Variants in PPP2R5C observed in about 807,000 individuals in gnomAD.
PPP2R5C encodes the protein protein phosphatase 2 regulatory subunit B'gamma.
PPP2R5C carries 7 observed loss-of-function variants against 68.9 expected under a neutral mutation model. That is an observed-to-expected ratio of 0.10 (90% confidence interval 0.06 to 0.19). The LOEUF is 0.19. Ranked by LOEUF, PPP2R5C falls within the 10% of genes least tolerant of loss-of-function variation. The pLI is 1.00. For synonymous variants in PPP2R5C, 210 were observed against 222.2 expected, an observed-to-expected ratio of 0.95 and a Z score of 0.49; for missense variants, 348 against 641.3, an observed-to-expected ratio of 0.54 and a Z score of 4.94.
At chr14:101,792,954 T>C (rs1270317772) in intron 3 of PPP2R5C, among the ~76,000 whole-genome samples, 1 of 151,946 alleles carries the variant, frequency 6.6e-6, no homozygotes, top group Admixed American at 6.6e-5. Context: ...CTTGGCTCCC[T>C]GCAGCCTCCG....
intron 1 of PPP2R5C, chr14:101,844,248 G>A (rs1362621590): frequency 6.6e-6 from 1 of 151,634 alleles, no homozygotes; most frequent in Non-Finnish European, 1.5e-5. Context: ...AGAGTGGAAC[G>A]GTGGGTATTT....
Position 101,906,032 on chromosome 14 carries a change from C to A in PPP2R5C, c.1024-370C>A, listed in dbSNP as rs568376101. Among the ~76,000 whole-genome samples, 1 of 152,220 alleles carries A rather than the reference C, an allele frequency of 6.6e-6. No homozygotes were observed. The highest frequency in any genetic ancestry group is 1.5e-5 in the Non-Finnish European group (1 of 68,042). ...GATTTCTGCCTTGCTTTGTTCAGTGCTGAATGCTCAGCAGAACACAGCACG... is the reference window on the plus strand; with the variant it reads ...GATTTCTGCCTTGCTTTGTTCAGTGATGAATGCTCAGCAGAACACAGCACG... On this transcript the variant is annotated intron_variant, in intron 9 of 13. Coordinates refer to ENST00000334743, the Ensembl canonical transcript of PPP2R5C. The surrounding 1 kb of genome is among the most constrained non-coding windows in gnomAD (Gnocchi z 4.0).
rs1566972747 is a variant in PPP2R5C, at chr14:101,919,980, A to AAAAAAAACAAAAC, written c.1443+2040_1443+2041insCAAAACAAAAAAA. Among the ~76,000 whole-genome samples, 333 of 114,166 alleles carry AAAAAAAACAAAAC rather than the reference A, an allele frequency of 2.9e-3. 7 individuals are homozygous for AAAAAAAACAAAAC. Among genetic ancestry groups the AAAAAAAACAAAAC allele is most frequent in the African/African-American group, 0.014 (309 of 22,310 alleles). The allele number at this position is 114,166 out of a possible 152,430, so 74.9% of individuals were successfully genotyped here. A position where few individuals can be genotyped will look rare whatever the true frequency, so the allele number is the denominator to read the frequency against. ...GCAAAACTCCGTCTCAAAAAAAAAA[A>AAAAAAAACAAAAC]AAAAAAAAAAAACCAATTCTTACAC... On this transcript the variant is annotated intron_variant, in intron 13 of 13. Coordinates refer to ENST00000334743, the Ensembl canonical transcript of PPP2R5C.
intron 2 of PPP2R5C, among the ~76,000 whole-genome samples, chr14:101,773,784 T>A (rs765792424): frequency 6.6e-6 from 1 of 152,172 alleles, no homozygotes; most frequent in Non-Finnish European, 1.5e-5. Flanking sequence ...AGCCTTGAAC[T>A]ACTGGGCTCA....
At chr14:101,765,484 CCT>C (rs1032526942) in intron 2 of PPP2R5C, 2 of 541,204 alleles carry the variant, frequency 3.7e-6, no homozygotes, top group African/African-American at 3.8e-5. Flanking sequence ...TTTTCCCTCT[CCT>C]CTCTCTCAGT....
rs757314697 is a variant in PPP2R5C, at chr14:101,797,889, C to G, written c.259+11706C>G. On this transcript the variant is annotated intron_variant, in intron 3 of 14. Coordinates refer to the PPP2R5C transcript ENST00000328724. The surrounding 1 kb of genome is among the most constrained non-coding windows in gnomAD (Gnocchi z 4.2). ...TCACTTCATCTACTCCACTCACCTA[C>G]GCTGAGCTTCCCTGTGGACAAGCTC... Among the ~76,000 whole-genome samples the G allele has an allele frequency of 6.6e-6, 1 of 152,094 alleles. No homozygotes were observed. Among genetic ancestry groups the G allele is most frequent in the African/African-American group, 2.4e-5 (1 of 41,416 alleles).
Position 101,914,900 on chromosome 14 carries a change from A to G in PPP2R5C, c.1326+2427A>G, listed in dbSNP as rs1164072691. On this transcript the variant is annotated intron_variant, in intron 12 of 13. Transcript: ENST00000334743. ...TGTGGGAATCATATGAAATGAAGAC[A>G]GGCACTTCTGTGAGACTCAGAGTAG... 2.6e-5 allele frequency among the ~76,000 whole-genome samples: 4 copies of G among 152,222 alleles called. No individual in the cohort carries two copies. The East Asian group carries it at 7.7e-4, about 29-fold the overall frequency.
In PPP2R5C at chr14:101,797,237, G is replaced by A. The variant is rs2038655020; in HGVS notation, c.259+11054G>A. 1 of 455,928 alleles carries A rather than the reference G, an allele frequency of 2.2e-6. No individual in the cohort carries two copies. Among genetic ancestry groups the A allele is most frequent in the African/African-American group, 2.0e-5 (1 of 50,050 alleles). 28.2% of individuals were successfully genotyped at this position (455,928 alleles called of 1,614,324 possible). On this transcript the variant is annotated intron_variant, in intron 3 of 14. Coordinates refer to the PPP2R5C transcript ENST00000328724. This position sits in a 1 kb window ranked among gnomAD's most constrained non-coding sequence, Gnocchi z 4.2. ...TCCCCCCACATTGTAGCACGTGCCA[G>A]ACCCTCGCTCCCGTCGAAGGCTGAT... is the stretch of plus-strand genomic sequence containing the variant.
At chr14:101,856,798 A>G in exon 2 of PPP2R5C, 1 of 1,614,172 alleles carries the variant, frequency 6.2e-7, no homozygotes, top group Non-Finnish European at 8.5e-7. Flanking sequence ...AGGAAGTAAA[A>G]CGAGCTGCTT....
intron 1 of PPP2R5C, among the ~76,000 whole-genome samples, chr14:101,827,183 C>G (rs1223383439): frequency 6.6e-6 from 1 of 151,874 alleles, no homozygotes; most frequent in Non-Finnish European, 1.5e-5. Context: ...GCCATCTTGG[C>G]CAGGCTGGTC....
chr14:101,893,987 C>T (rs1234593392), intron 7 of PPP2R5C, among the ~76,000 whole-genome samples: 1 of 152,246 alleles, frequency 6.6e-6, no homozygotes, highest in East Asian at 1.9e-4. Context: ...AGGCTCCTCT[C>T]TGCCAGGCCC....
At chr14:101,812,446 G>T (rs1474411357) in intron 1 of PPP2R5C, among the ~76,000 whole-genome samples, 1 of 152,190 alleles carries the variant, frequency 6.6e-6, no homozygotes, top group African/African-American at 2.4e-5. Context: ...TAGGAAGGAG[G>T]GGTCTTTCCC....
chr14:101,813,967 C>G (rs2039514225), intron 1 of PPP2R5C, among the ~76,000 whole-genome samples: 1 of 152,214 alleles, frequency 6.6e-6, no homozygotes, highest in Admixed American at 6.5e-5. Context: ...AAGAAGCAAG[C>G]ACAGAACTCA....
At chr14:101,829,153 T>C (rs1477418676) in intron 1 of PPP2R5C, among the ~76,000 whole-genome samples, 1 of 152,052 alleles carries the variant, frequency 6.6e-6, no homozygotes, top group Non-Finnish European at 1.5e-5. Context: ...AGGCTGAAGT[T>C]AGTGGGGTTC....
At chr14:101,785,337 C>A (rs866578755) in intron 2 of PPP2R5C, among the ~76,000 whole-genome samples, 1 of 152,156 alleles carries the variant, frequency 6.6e-6, no homozygotes, top group Non-Finnish European at 1.5e-5. Flanking sequence ...TGTTACCGTT[C>A]TGGCATGTAG....
chr14:101,860,753 G>A (rs61995292), intron 2 of PPP2R5C, among the ~76,000 whole-genome samples: 1 of 152,200 alleles, frequency 6.6e-6, no homozygotes, highest in Non-Finnish European at 1.5e-5. Flanking sequence ...TGGTTTTGAT[G>A]TGCATTTCTC....
At chr14:101,863,247 G>A (rs1262816344) in intron 2 of PPP2R5C, among the ~76,000 whole-genome samples, 4 of 151,926 alleles carry the variant, frequency 2.6e-5, no homozygotes. Context: ...GGCAGAGGTT[G>A]TAGCGAGCCG....
In PPP2R5C at chr14:101,913,325, A is replaced by G. The variant is rs1323850815; in HGVS notation, c.1326+852A>G. 6.6e-6 allele frequency among the ~76,000 whole-genome samples: 1 copy of G among 152,268 alleles called. No individual in the cohort carries two copies. The highest frequency in any genetic ancestry group is 1.5e-5 in the Non-Finnish European group (1 of 68,050). ...ATTTCTTTTAGTGAGAGATATGCAT[A>G]GTTACCTAAGTTGGTTTTTAGATTT... On this transcript the variant is annotated intron_variant, in intron 12 of 13. Transcript: ENST00000334743. This position sits in a 1 kb window ranked among gnomAD's most constrained non-coding sequence, Gnocchi z 4.1.
intron 1 of PPP2R5C, among the ~76,000 whole-genome samples, chr14:101,762,324 G>A: frequency 6.6e-6 from 1 of 152,168 alleles, no homozygotes; most frequent in Non-Finnish European, 1.5e-5. Context: ...CTTCAGGGAT[G>A]GGGGCTGTAG....
Sources: allele counts gnomAD v4.1 joint callset (sites outside exome capture counted in the v4.1 genomes callset), GRCh38; gene constraint gnomAD v4.1.1; non-coding constraint Gnocchi (gnomAD v3.1); transcripts MANE v1.5; gene names NCBI Gene and HGNC (gene_info 2026-07-23, HGNC 2026-07-21).